Variants in GGCX observed in about 807,000 individuals in gnomAD.
GGCX encodes vitamin K-dependent gamma-carboxylase.
A neutral mutation model predicts 88.5 loss-of-function variants in GGCX; 63 were observed. The observed-to-expected ratio is 0.71, with a 90% confidence interval of 0.58 to 0.88. The LOEUF is 0.88. GGCX is among the 40% of genes least tolerant of loss of function. The pLI is 0.00. For missense variants in GGCX, 805 were observed against 932.9 expected (o/e 0.86, Z 1.79); for synonymous variants, 368 against 365.8 (o/e 1.01, Z -0.07).
chr2:85,554,484 GAAAC>G, intron 6 of GGCX, 178 bp from the exon 7 acceptor site: 1 of 662,610 alleles, frequency 1.5e-6, no homozygotes, highest in African/African-American at 1.8e-5. Flanking sequence ...TGTTGTTGTT[GAAAC>G]GAAGTTTCAC....
At chr2:85,551,642 C>A in intron 11 of GGCX, 32 bp from the exon 12 acceptor site, 1 of 1,612,258 alleles carries the variant, frequency 6.2e-7, no homozygotes, top group Non-Finnish European at 8.5e-7. Context: ...TCATCCCACC[C>A]CATGGCAGAG....
rs939882552 is a variant in GGCX, at chr2:85,545,919, T to C, written c.*4015A>G. On this transcript the variant is annotated 3_prime_UTR_variant, in exon 15 of 15. Coordinates refer to ENST00000233838, the MANE Select transcript of GGCX (RefSeq NM_000821.7). ...CAAATTAGCTGAAAATGCTATAAAT[T>C]TCCAAAGGCTTAAATTTCATTTATG... is the stretch of plus-strand genomic sequence containing the variant. 6.6e-6 allele frequency: 1 copy of C among 152,228 alleles called. No homozygotes were observed. The highest frequency in any genetic ancestry group is 2.4e-5 in the African/African-American group (1 of 41,442). The allele number at this position is 152,228 out of a possible 1,614,324, so 9.4% of individuals were successfully genotyped here. A position where few individuals can be genotyped will look rare whatever the true frequency, so the allele number is the denominator to read the frequency against.
At position 85,545,496 on chromosome 2, in the gene GGCX, T is replaced by C. The variant is rs1203176181; in HGVS notation, c.*4438A>G. The C allele has an allele frequency of 6.6e-6, 1 of 152,238 alleles. No individual in the cohort carries two copies. The highest frequency in any genetic ancestry group is 1.5e-5 in the Non-Finnish European group (1 of 68,046). The allele number at this position is 152,238 out of a possible 1,614,324, so 9.4% of individuals were successfully genotyped here. A position where few individuals can be genotyped will look rare whatever the true frequency, so the allele number is the denominator to read the frequency against. Reference sequence around the variant, plus strand: ...GAATAACCTGAGAATACTATATGTGTATCTTTAACCTTGAATTGTAATCCA... The same window carrying C: ...GAATAACCTGAGAATACTATATGTGCATCTTTAACCTTGAATTGTAATCCA... On this transcript the variant is annotated 3_prime_UTR_variant, in exon 15 of 15. Transcript: ENST00000233838.
intron 10 of GGCX, 59 bp from the exon 11 acceptor site, chr2:85,552,040 A>C: frequency 2.4e-6 from 3 of 1,265,484 alleles, no homozygotes; most frequent in Non-Finnish European, 3.5e-6. Context: ...CAGAACTTCC[A>C]GTTCTCTCCC....
rs773781975 is a variant in GGCX at position 85,553,290 on chromosome 2, AAGGC to A, written c.1093_1096del (p.Ala365SerfsTer36). The A allele has an allele frequency of 6.2e-7, 1 of 1,614,222 alleles. No individual in the cohort carries two copies. The stretch of plus-strand genomic sequence containing the variant: ...CTGCTCCAGGAGGTAGAGCAGGGTG[AAGGC>A]AGCTCCCAGCTGATGGCGCAGCCCT... On this transcript the variant is annotated frameshift_variant, in exon 8 of 15. Transcript: ENST00000233838. LOFTEE classifies it high-confidence loss of function.
rs926600255 is a variant in GGCX, at chr2:85,548,469, G to A, written c.*1465C>T. On this transcript the variant is annotated 3_prime_UTR_variant, in exon 15 of 15. Coordinates refer to ENST00000233838, the MANE Select transcript of GGCX (RefSeq NM_000821.7). ...GTCTAGGGCACAGGAAAGAAACCTA[G>A]CATCGTTGGAAATCCTGGAGTAGAC... The A allele has an allele frequency of 6.6e-6, 1 of 152,234 alleles. No individual in the cohort carries two copies. The highest frequency in any genetic ancestry group is 2.4e-5 in the African/African-American group (1 of 41,432). The allele number at this position is 152,234 out of a possible 1,614,324, so 9.4% of individuals were successfully genotyped here.
chr2:85,549,661 C>T lies in GGCX; in HGVS notation c.*273G>A. 2.4e-6 allele frequency: 1 copy of T among 425,242 alleles called. No individual in the cohort carries two copies. The highest frequency in any genetic ancestry group is 2.2e-5 in the South Asian group (1 of 45,606). 26.3% of individuals were successfully genotyped at this position (425,242 alleles called of 1,614,324 possible). The stretch of plus-strand genomic sequence containing the variant: ...CAGGCGTGAGCCACGGCACCCAGCC[C>T]CCAAAAAGCCACTTTAAACCTTATC... On this transcript the variant is annotated 3_prime_UTR_variant, in exon 15 of 15. Coordinates refer to ENST00000233838, the MANE Select transcript of GGCX (RefSeq NM_000821.7).
chr2:85,553,548 T>TC, intron 7 of GGCX, 51 bp from the exon 8 acceptor site: 1 of 1,571,038 alleles, frequency 6.4e-7, no homozygotes, highest in East Asian at 2.2e-5. Flanking sequence ...CTGGGCCTCT[T>TC]CAACCCCGTT....
At position 85,550,600 on chromosome 2, in the gene GGCX, C is replaced by T. The variant is rs1196687095; in HGVS notation, c.2039G>A (p.Arg680Gln). Residue 680 changes from arginine (R) to glutamine (Q), a missense_variant, in exon 14 of 15, where the codon CGA becomes CAA. Coordinates refer to ENST00000233838, the MANE Select transcript of GGCX (RefSeq NM_000821.7). ...ERRRNTPFHERFFRFLLRKLY... is the reference protein window; with the variant it reads ...ERRRNTPFHEQFFRFLLRKLY... ...CTTTCGCAACAAGAAGCGGAAGAAT[C>T]GCTCATGGAAAGGAGTATTTCGCCG... 2 of 1,614,048 alleles carry T rather than the reference C, an allele frequency of 1.2e-6. No individual in the cohort carries two copies. The highest frequency in any genetic ancestry group is 1.7e-6 in the Non-Finnish European group (2 of 1,179,910).
intron 6 of GGCX, 153 bp downstream of exon 6, chr2:85,555,331 T>G: frequency 1.6e-6 from 1 of 629,346 alleles, no homozygotes; most frequent in Non-Finnish European, 2.9e-6. Flanking sequence ...TTGATACCAC[T>G]GACTCTGCTT....
chr2:85,553,520 C>T (rs368411651), intron 7 of GGCX, 23 bp from the exon 8 acceptor site: 427 of 1,612,226 alleles, frequency 2.6e-4, no homozygotes, highest in Non-Finnish European at 3.5e-4. Flanking sequence ...GGAGAAAATA[C>T]ATATTTCAGG....
In GGCX at chr2:85,545,291, T is replaced by C. The variant is rs1352101631; in HGVS notation, c.*4643A>G. ...TAGGTTCTACCTTAACTGTGTCTGTTACTCATTTGTTAAAGTGCTTTGGGG... is the reference window on the plus strand; with the variant it reads ...TAGGTTCTACCTTAACTGTGTCTGTCACTCATTTGTTAAAGTGCTTTGGGG... On this transcript the variant is annotated 3_prime_UTR_variant, in exon 15 of 15. Transcript: ENST00000233838. 3 of 152,684 alleles carry C rather than the reference T, an allele frequency of 2.0e-5. No homozygotes were observed. Among genetic ancestry groups the C allele is most frequent in the Non-Finnish European group, 2.9e-5 (2 of 68,056 alleles). 9.5% of individuals were successfully genotyped at this position (152,684 alleles called of 1,614,324 possible). A position where few individuals can be genotyped will look rare whatever the true frequency, so the allele number is the denominator to read the frequency against.
Position 85,550,644 on chromosome 2 carries a change from C to A in GGCX, c.1995G>T (p.Arg665Ser), listed in dbSNP as rs771834989. Residue 665 changes from arginine to serine, a missense_variant, in exon 14 of 15, where the codon AGG becomes AGT. Around this residue, in one of 3 missense-constraint regions of GGCX, gnomAD observed 680 missense variants for 763.7 expected, o/e 0.89. Coordinates refer to ENST00000233838, the MANE Select transcript of GGCX (RefSeq NM_000821.7). ...TTCGCCGGCGTTCAATCTCCTGGAG[C>A]CTTTGTTGGCGTCTAAGAAAGGTCT... Reference protein sequence around the residue: ...LVQTFLRRQQRLQEIERRRNT... With the variant: ...LVQTFLRRQQSLQEIERRRNT... 28 of 1,613,784 alleles carry A rather than the reference C, an allele frequency of 1.7e-5. No individual in the cohort carries two copies. The highest frequency in any genetic ancestry group is 3.3e-5 in the Admixed American group (2 of 60,002).
rs1234342857 is a variant in GGCX at position 85,545,353 on chromosome 2, G to C, written c.*4581C>G. Reference sequence around the variant, plus strand: ...TGCCTATAATCCCAACACTTTGAAAGGCTGAGGTAGGAGGATCACTTTAAC... The same window carrying C: ...TGCCTATAATCCCAACACTTTGAAACGCTGAGGTAGGAGGATCACTTTAAC... On this transcript the variant is annotated 3_prime_UTR_variant, in exon 15 of 15. Coordinates refer to ENST00000233838, the MANE Select transcript of GGCX (RefSeq NM_000821.7). The C allele has an allele frequency of 6.6e-6, 1 of 152,580 alleles. No individual in the cohort carries two copies. Among genetic ancestry groups the C allele is most frequent in the Non-Finnish European group, 1.5e-5 (1 of 68,028 alleles). The allele number at this position is 152,580 out of a possible 1,614,324, so 9.5% of individuals were successfully genotyped here. A position where few individuals can be genotyped will look rare whatever the true frequency, so the allele number is the denominator to read the frequency against.
chr2:85,546,071 T>C lies in GGCX; in HGVS notation c.*3863A>G, dbSNP rs1573312086. ...GGTGGTCCAGCTTGTCCTGCAAATGTAGAGCCAAGGAGTGCTTGCTTATGC... is the reference window on the plus strand; with the variant it reads ...GGTGGTCCAGCTTGTCCTGCAAATGCAGAGCCAAGGAGTGCTTGCTTATGC... On this transcript the variant is annotated 3_prime_UTR_variant, in exon 15 of 15. Coordinates refer to ENST00000233838, the MANE Select transcript of GGCX (RefSeq NM_000821.7). The C allele has an allele frequency of 6.6e-6, 1 of 152,212 alleles. No individual in the cohort carries two copies. The highest frequency in any genetic ancestry group is 2.4e-5 in the African/African-American group (1 of 41,450). 9.4% of individuals were successfully genotyped at this position (152,212 alleles called of 1,614,324 possible).
At position 85,558,844 on chromosome 2, in the gene GGCX, T is replaced by C; in HGVS notation, c.373+73A>G. 3 of 1,406,456 alleles carry C rather than the reference T, an allele frequency of 2.1e-6. No homozygotes were observed. The South Asian group carries it at 3.5e-5, about 16-fold the overall frequency. 87.1% of individuals were successfully genotyped at this position (1,406,456 alleles called of 1,614,324 possible). The stretch of plus-strand genomic sequence containing the variant: ...AAGTGAAATAAGGTGCCAAAGACTT[T>C]GACCATTCACCAGCATGCTTCTATT... On this transcript the variant is annotated intron_variant, in intron 3 of 14. Transcript: ENST00000233838.
At chr2:85,557,763 A>T (rs958920605) in intron 4 of GGCX, among the ~76,000 whole-genome samples, 2 of 152,198 alleles carry the variant, frequency 1.3e-5, no homozygotes, top group African/African-American at 4.8e-5. Context: ...AATAAATAAA[A>T]AGAAAAATAA....
chr2:85,555,707 T>C (rs945042922), intron 5 of GGCX, 117 bp from the exon 6 acceptor site: 2 of 694,594 alleles, frequency 2.9e-6, no homozygotes, highest in Non-Finnish European at 2.6e-6. Context: ...TGAGTTACAG[T>C]CCTTGACCCA....
Position 85,547,540 on chromosome 2 carries a change from T to C in GGCX, c.*2394A>G, listed in dbSNP as rs1244391412. ...ATATTTAGAAAAATACTTTTTCAAG[T>C]GTCTTCTCCCAAGTAACTCTTGGGA... is the stretch of plus-strand genomic sequence containing the variant. On this transcript the variant is annotated 3_prime_UTR_variant, in exon 15 of 15. Transcript: ENST00000233838. 2.0e-5 allele frequency: 3 copies of C among 152,252 alleles called. No homozygotes were observed. 9.4% of individuals were successfully genotyped at this position (152,252 alleles called of 1,614,324 possible). A position where few individuals can be genotyped will look rare whatever the true frequency, so the allele number is the denominator to read the frequency against.
Sources: gnomAD v4.1 joint callset for allele counts (sites outside exome capture counted in the v4.1 genomes callset) on GRCh38, gnomAD v4.1.1 for gene constraint, gnomAD v4.1.1 regional missense constraint, MANE v1.5 for transcripts, NCBI Gene and HGNC (gene_info 2026-07-23, HGNC 2026-07-21) for gene names.